Variants in LHFPL3 observed in about 807,000 individuals in gnomAD.
LHFPL3 encodes the protein LHFPL tetraspan subfamily member 3 protein.
LHFPL3 carries 5 observed loss-of-function variants against 19.3 expected under a neutral mutation model. The observed-to-expected ratio is 0.26, with a 90% CI of 0.14 to 0.54. The LOEUF (loss-of-function observed/expected upper bound fraction) is 0.54, where lower values mean the gene tolerates loss of function less well. LHFPL3 is among the 20% of genes least tolerant of loss of function. The pLI is 0.94. For synonymous variants in LHFPL3, 133 were observed against 126.2 expected (o/e 1.05, Z -0.36); for missense variants, 249 against 307.4 (o/e 0.81, Z 1.42).
At chr7:104,588,731 G>C (rs912528084) in intron 1 of LHFPL3, among the ~76,000 whole-genome samples, 5 of 152,142 alleles carry the variant, frequency 3.3e-5, no homozygotes, top group Non-Finnish European at 5.9e-5. Flanking sequence ...TCACAATATT[G>C]ATTCTTCCTA....
intron 1 of LHFPL3, among the ~76,000 whole-genome samples, chr7:104,405,514 A>C (rs1252284252): frequency 6.6e-6 from 1 of 152,138 alleles, no homozygotes; most frequent in African/African-American, 2.4e-5. Context: ...ATTTTAGATA[A>C]ATTTTCTCTT....
At chr7:104,828,972 C>A (rs1448672323) in intron 2 of LHFPL3, among the ~76,000 whole-genome samples, 2 of 151,758 alleles carry the variant, frequency 1.3e-5, no homozygotes, top group East Asian at 1.9e-4. Flanking sequence ...GAGGCAAAGG[C>A]TGCAGTGAGC....
rs1164538840 is a variant in LHFPL3, at chr7:104,633,199, T to C, written c.446-103476T>C. 2.0e-5 allele frequency among the ~76,000 whole-genome samples: 3 copies of C among 152,214 alleles called. No homozygotes were observed. In the East Asian group the frequency reaches 5.8e-4, roughly 29 times the overall value. On this transcript the variant is annotated intron_variant, in intron 1 of 2. Transcript: ENST00000424859. ...ATCTGCAAGTTATTCAGTTTCTCAATGTCAGATAGCCTTTGGAAAACATCA... is the reference window on the plus strand; with the variant it reads ...ATCTGCAAGTTATTCAGTTTCTCAACGTCAGATAGCCTTTGGAAAACATCA...
Position 104,663,549 on chromosome 7 carries a change from A to G in LHFPL3, c.446-73126A>G, listed in dbSNP as rs182635963. Among the ~76,000 whole-genome samples the G allele has an allele frequency of 1.8e-3, 272 of 152,354 alleles. 2 individuals carry two copies. Among genetic ancestry groups the G allele is most frequent in the African/African-American group, 6.1e-3 (253 of 41,590 alleles). On this transcript the variant is annotated intron_variant, in intron 1 of 2. Transcript: ENST00000424859. ...GCTACACCATCTGGTTGGAGAATTC[A>G]TGTACAACATGCAGAGTTGTAAAAA...
chr7:104,507,270 A>G (rs1366827939), intron 1 of LHFPL3, among the ~76,000 whole-genome samples: 1 of 148,144 alleles, frequency 6.8e-6, no homozygotes, highest in South Asian at 2.1e-4. Context: ...ATATAGATCA[A>G]TGGAACAGAA....
chr7:104,778,447 C>A (rs1308025592), intron 2 of LHFPL3, among the ~76,000 whole-genome samples: 1 of 152,190 alleles, frequency 6.6e-6, no homozygotes, highest in African/African-American at 2.4e-5. Flanking sequence ...GAGACTTACC[C>A]AAGAGGCGTC....
intron 1 of LHFPL3, among the ~76,000 whole-genome samples, chr7:104,724,714 T>A (rs1185394629): frequency 1.3e-5 from 2 of 152,078 alleles, no homozygotes; most frequent in African/African-American, 4.8e-5. Context: ...ATGACATAAG[T>A]TTACCTATGC....
At chr7:104,847,350 T>C (rs924809596) in intron 2 of LHFPL3, among the ~76,000 whole-genome samples, 1 of 152,180 alleles carries the variant, frequency 6.6e-6, no homozygotes, top group Non-Finnish European at 1.5e-5. Flanking sequence ...CAAAAGCCAA[T>C]AAGGCAAGAA....
chr7:104,708,129 A>G (rs1440694762), intron 1 of LHFPL3, among the ~76,000 whole-genome samples: 2 of 152,230 alleles, frequency 1.3e-5, no homozygotes, highest in Non-Finnish European at 2.9e-5. Context: ...ACCCATCGCC[A>G]TATAGAAAGG....
intron 2 of LHFPL3, chr7:104,785,093 T>A (rs1395864143): frequency 3.3e-5 from 5 of 152,212 alleles, no homozygotes; most frequent in Non-Finnish European, 7.3e-5. Flanking sequence ...TTCAAAAATA[T>A]TTCTTAATTT....
chr7:104,525,056 C>T (rs564249608), intron 1 of LHFPL3, among the ~76,000 whole-genome samples: 9 of 152,162 alleles, frequency 5.9e-5, no homozygotes, highest in South Asian at 2.1e-4. Flanking sequence ...GCTCCTTTAG[C>T]TTGTGTTGGA....
intron 2 of LHFPL3, among the ~76,000 whole-genome samples, chr7:104,776,081 A>G (rs941047048): frequency 6.6e-6 from 1 of 152,240 alleles, no homozygotes; most frequent in Non-Finnish European, 1.5e-5. Flanking sequence ...AAAGAATGGT[A>G]TAACGCCAGT....
At chr7:104,434,638 A>AG (rs1215691840) in intron 1 of LHFPL3, among the ~76,000 whole-genome samples, 1 of 152,222 alleles carries the variant, frequency 6.6e-6, no homozygotes, top group Non-Finnish European at 1.5e-5. Flanking sequence ...TTGAACTTGT[A>AG]GAGTCCTCTA....
At chr7:104,558,141 G>T (rs956978517) in intron 1 of LHFPL3, among the ~76,000 whole-genome samples, 2 of 150,932 alleles carry the variant, frequency 1.3e-5, no homozygotes, top group Non-Finnish European at 3.0e-5. Context: ...ATAAACATAC[G>T]TGTGCATGTG....
intron 1 of LHFPL3, among the ~76,000 whole-genome samples, chr7:104,459,637 A>G (rs898899537): frequency 6.6e-6 from 1 of 152,226 alleles, no homozygotes; most frequent in Non-Finnish European, 1.5e-5. Flanking sequence ...AGCAATAGTC[A>G]GAAAACTGGC....
chr7:104,776,322 G>T (rs909829844), intron 2 of LHFPL3, among the ~76,000 whole-genome samples: 1 of 152,196 alleles, frequency 6.6e-6, no homozygotes, highest in Non-Finnish European at 1.5e-5. Context: ...TGCTACCGAG[G>T]CACCCATGGG....
intron 1 of LHFPL3, among the ~76,000 whole-genome samples, chr7:104,676,639 T>C (rs1158016007): frequency 6.6e-6 from 1 of 152,254 alleles, no homozygotes; most frequent in Non-Finnish European, 1.5e-5. Flanking sequence ...GAAATAGCAC[T>C]GGTAAATACT....
At chr7:104,743,603 T>C (rs149903507) in intron 2 of LHFPL3, among the ~76,000 whole-genome samples, 3 of 152,336 alleles carry the variant, frequency 2.0e-5, no homozygotes, top group Non-Finnish European at 1.5e-5. Flanking sequence ...TAGGCTTTAT[T>C]TATTCTCATT....
chr7:104,654,907 T>G (rs935645203), intron 1 of LHFPL3, among the ~76,000 whole-genome samples: 2 of 152,174 alleles, frequency 1.3e-5, no homozygotes, highest in Non-Finnish European at 2.9e-5. Flanking sequence ...CAGAGGTACA[T>G]GTGTTCATAC....
Sources: gnomAD v4.1 joint callset for allele counts (sites outside exome capture counted in the v4.1 genomes callset) on GRCh38, gnomAD v4.1.1 for gene constraint, MANE v1.5 for transcripts, NCBI Gene and HGNC (gene_info 2026-07-23, HGNC 2026-07-21) for gene names.